Variants in AAGAB observed in about 807,000 individuals in gnomAD.
The protein encoded by AAGAB is alpha and gamma adaptin binding protein, also known as alpha- and gamma-adaptin-binding protein p34.
Under a neutral mutation model 44.1 loss-of-function variants are expected in AAGAB, and 38 were observed. That is an observed-to-expected ratio of 0.86 (90% CI 0.67 to 1.13). The LOEUF is 1.13. Ranked by LOEUF, AAGAB falls within the 50% of genes most tolerant of loss-of-function variation. The probability of loss-of-function intolerance (pLI) is 0.00; values close to 1 mark genes in which losing one functional copy is unlikely to be tolerated. For missense variants in AAGAB, 450 were observed against 373.8 expected (o/e 1.20, Z -1.68); for synonymous variants, 131 against 131.8 (o/e 0.99, Z 0.04).
At chr15:67,222,394 T>C (rs1401214798) in intron 5 of AAGAB, among the ~76,000 whole-genome samples, 1 of 151,992 alleles carries the variant, frequency 6.6e-6, no homozygotes, top group East Asian at 1.9e-4. Flanking sequence ...TTACTCTTTC[T>C]CTCTCCCCTA....
chr15:67,243,859 T>C (rs559231526), intron 1 of AAGAB, among the ~76,000 whole-genome samples: 1 of 152,342 alleles, frequency 6.6e-6, no homozygotes, highest in African/African-American at 2.4e-5. Context: ...ATAAAGTCTA[T>C]CTCAAGTGTC....
Position 67,222,217 on chromosome 15 carries a change from T to C in AAGAB, c.535+9597A>G, listed in dbSNP as rs1964080390. The stretch of plus-strand genomic sequence containing the variant: ...AGCAAAAGCAGAACTGATTACTACA[T>C]GCATGCACGCGCACGCGCGCGCGCG... On this transcript the variant is annotated intron_variant, in intron 5 of 9. Coordinates refer to ENST00000261880, the MANE Select transcript of AAGAB (RefSeq NM_024666.5). Among the ~76,000 whole-genome samples the C allele has an allele frequency of 3.1e-5, 4 of 129,144 alleles. No individual in the cohort carries two copies. The South Asian group carries it at 1.0e-3, about 33-fold the overall frequency. The allele number at this position is 129,144 out of a possible 152,430, so 84.7% of individuals were successfully genotyped here.
At chr15:67,245,362 C>T (rs1964696191) in intron 1 of AAGAB, among the ~76,000 whole-genome samples, 1 of 152,090 alleles carries the variant, frequency 6.6e-6, no homozygotes, top group Non-Finnish European at 1.5e-5. Flanking sequence ...CATTATGCTA[C>T]GTGAAAGAAG....
chr15:67,244,085 C>T (rs1964666113), intron 1 of AAGAB, among the ~76,000 whole-genome samples: 1 of 152,186 alleles, frequency 6.6e-6, no homozygotes, highest in Non-Finnish European at 1.5e-5. Context: ...ATGACAACAT[C>T]TGCAGTAGAT....
upstream of AAGAB, chr15:67,255,090 C>G: frequency 1.3e-6 from 1 of 760,688 alleles, no homozygotes; most frequent in South Asian, 1.6e-5. Context: ...CCCAAAAATG[C>G]CCACCCAGAC....
chr15:67,236,035 A>C lies in AAGAB; in HGVS notation c.395T>G (p.Ile132Ser). 5 of 1,613,590 alleles carry C rather than the reference A, an allele frequency of 3.1e-6. No homozygotes were observed. The highest frequency in any genetic ancestry group is 4.2e-6 in the Non-Finnish European group (5 of 1,179,726). ...INRQKAQEWCIKHGFELVELS... is the reference protein window; with the variant it reads ...INRQKAQEWCSKHGFELVELS... ...TTCTACCAATTCAAAGCCATGTTTG[A>C]TGCACCATTCTTGAGCTTTTTGTCG... The change falls in exon 4 of 10, where the codon ATC (isoleucine) becomes AGC (serine). Residue 132 changes from isoleucine to serine, a missense_variant. Transcript: ENST00000261880.
rs1435924246 is a variant in AAGAB at position 67,244,136 on chromosome 15, A to AT, written c.74-7317dup. Among the ~76,000 whole-genome samples, 5 of 152,296 alleles carry AT rather than the reference A, an allele frequency of 3.3e-5. No homozygotes were observed. The East Asian group carries it at 9.6e-4, about 29-fold the overall frequency. On this transcript the variant is annotated intron_variant, in intron 1 of 9. Coordinates refer to ENST00000261880, the MANE Select transcript of AAGAB (RefSeq NM_024666.5). ...AAAAAGACAAACATGTTTGAGATGA[A>AT]TTTCCCAAAACAGAATAAGTTTGAT...
intron 3 of AAGAB, 100 bp downstream of exon 3, chr15:67,236,308 C>A: frequency 8.6e-7 from 1 of 1,160,370 alleles, no homozygotes; most frequent in Non-Finnish European, 1.2e-6. Flanking sequence ...GCCATAAAGT[C>A]ACATGGGATG....
At chr15:67,232,780 TGAA>T (rs1427514735) in intron 4 of AAGAB, 2 of 221,056 alleles carry the variant, frequency 9.0e-6, no homozygotes, top group African/African-American at 4.6e-5. Flanking sequence ...AAGAACGGCA[TGAA>T]GAAGGTAGGC....
intron 4 of AAGAB, among the ~76,000 whole-genome samples, chr15:67,235,465 G>A (rs1964438622): frequency 1.3e-5 from 2 of 152,136 alleles, no homozygotes; most frequent in Admixed American, 1.3e-4. Flanking sequence ...GAAATAGAAG[G>A]TCCAGCAATA....
intron 5 of AAGAB, among the ~76,000 whole-genome samples, chr15:67,215,032 C>T (rs1331662570): frequency 1.3e-5 from 2 of 151,980 alleles, no homozygotes; most frequent in African/African-American, 2.4e-5. Context: ...TCTCTCTTGT[C>T]GGCAGTGAAA....
upstream of AAGAB, chr15:67,254,662 A>G (rs907902517): frequency 3.8e-6 from 6 of 1,592,620 alleles, no homozygotes; most frequent in Non-Finnish European, 4.3e-6. Flanking sequence ...TCCGTCAGGC[A>G]GCCGCTTCCG....
At chr15:67,219,680 T>C (rs998749883) in intron 5 of AAGAB, among the ~76,000 whole-genome samples, 1 of 151,916 alleles carries the variant, frequency 6.6e-6, no homozygotes, top group African/African-American at 2.4e-5. Context: ...GGGGCAAGGA[T>C]TGAAAAACGA....
chr15:67,203,219 A>G (rs1963607806), intron 9 of AAGAB, among the ~76,000 whole-genome samples: 2 of 152,334 alleles, frequency 1.3e-5, no homozygotes, highest in East Asian at 3.9e-4. Context: ...AGGGAACACC[A>G]TCAACCATAC....
Position 67,209,429 on chromosome 15 carries a change from A to G in AAGAB, c.618+33T>C, listed in dbSNP as rs777052173. ...TAATGACAAGGAGAAATTAAAGCCA[A>G]AGAGGGAAAAAAGATCCAAGAAAAA... is the stretch of plus-strand genomic sequence containing the variant. On this transcript the variant is annotated intron_variant, in intron 6 of 9. Coordinates refer to ENST00000261880, the MANE Select transcript of AAGAB (RefSeq NM_024666.5). The G allele has an allele frequency of 2.7e-5, 42 of 1,544,426 alleles. No homozygotes were observed. In the East Asian group the frequency reaches 9.0e-4, roughly 33 times the overall value.
At chr15:67,221,243 A>T (rs930153113) in intron 5 of AAGAB, 11 of 152,396 alleles carry the variant, frequency 7.2e-5, no homozygotes, top group South Asian at 6.2e-4. Context: ...GTAACAAGGT[A>T]GAAGCAAGGG....
At chr15:67,229,235 C>G (rs1383785551) in intron 5 of AAGAB, among the ~76,000 whole-genome samples, 4 of 152,080 alleles carry the variant, frequency 2.6e-5, no homozygotes, top group African/African-American at 9.7e-5. Context: ...AGTTCAAGAC[C>G]AGCCTGGCCA....
intron 5 of AAGAB, 139 bp from the exon 6 acceptor site, chr15:67,209,683 C>CAAAA: frequency 1.5e-6 from 1 of 687,930 alleles, no homozygotes; most frequent in Non-Finnish European, 2.4e-6. Flanking sequence ...GACAGGGTCT[C>CAAAA]ACTCTGTAGC....
rs922688989 is a variant in AAGAB at position 67,201,548 on chromosome 15, C to T, written c.*1273G>A. 1 of 152,354 alleles carries T rather than the reference C, an allele frequency of 6.6e-6. No homozygotes were observed. The highest frequency in any genetic ancestry group is 2.4e-5 in the African/African-American group (1 of 41,422). 9.4% of individuals were successfully genotyped at this position (152,354 alleles called of 1,614,324 possible). On this transcript the variant is annotated 3_prime_UTR_variant, in exon 10 of 10. Transcript: ENST00000261880. ...CATGCTGTGTAAATGGTTCTAGAGC[C>T]CACCTAGGCCAGAACCAGTTCTCAG...
Sources: allele counts gnomAD v4.1 joint callset (sites outside exome capture counted in the v4.1 genomes callset), GRCh38; gene constraint gnomAD v4.1.1; transcripts MANE v1.5; gene names NCBI Gene and HGNC (gene_info 2026-07-23, HGNC 2026-07-21).